The following UNC45B variants were observed in gnomAD, a reference collection of about 807,000 sequenced individuals.
The protein encoded by UNC45B is protein unc-45 homolog B.
In UNC45B, 78 loss-of-function variants were observed where a neutral mutation model predicts 98.7. The observed-to-expected ratio is 0.79, with a 90% CI of 0.66 to 0.95. The LOEUF (loss-of-function observed/expected upper bound fraction) is 0.95. UNC45B is among the 40% of genes least tolerant of loss of function. The probability of loss-of-function intolerance (pLI) is 0.00; values close to 1 mark genes in which losing one functional copy is unlikely to be tolerated. For synonymous variants in UNC45B, 462 were observed against 480.4 expected, an observed-to-expected ratio of 0.96 and a Z score of 0.50; for missense variants, 1,225 against 1,184.9, an observed-to-expected ratio of 1.03 and a Z score of -0.50.
At chr17:35,151,966 C>T (rs2092022811) in intron 4 of UNC45B, among the ~76,000 whole-genome samples, 1 of 152,164 alleles carries the variant, frequency 6.6e-6, no homozygotes, top group Admixed American at 6.5e-5. Flanking sequence ...TAAAAATAGG[C>T]TGGGTGCGGT....
rs910854904 is a variant in UNC45B, at chr17:35,168,258, C to T, written c.1349C>T (p.Thr450Met). 5.1e-6 allele frequency: 8 copies of T among 1,564,782 alleles called. No homozygotes were observed. Among genetic ancestry groups the T allele is most frequent in the East Asian group, 2.4e-5 (1 of 42,082 alleles). Reference protein sequence around the residue: ...VAVEALIHASTKLSRATFIIT... With the variant: ...VAVEALIHASMKLSRATFIIT... ...GTGGAGGCCCTCATCCATGCCTCCA[C>T]GAAGCTCAGCCGCGCCACCTTCATC... The change falls in exon 10 of 20, where the codon ACG (threonine) becomes ATG (methionine). Residue 450 changes from threonine (T) to methionine (M), a missense_variant. By Grantham distance (81) the Thr-to-Met change is moderately conservative (BLOSUM62 -1). Transcript: ENST00000394570.
intron 6 of UNC45B, 116 bp from the exon 7 acceptor site, chr17:35,155,180 C>G (rs1193249846): frequency 3.1e-6 from 4 of 1,308,476 alleles, no homozygotes; most frequent in Non-Finnish European, 4.2e-6. Context: ...GCTGCCTGGG[C>G]TGATTTCTCT....
chr17:35,184,217 C>T (rs748272832), intron 19 of UNC45B, among the ~76,000 whole-genome samples: 1 of 152,172 alleles, frequency 6.6e-6, no homozygotes, highest in Non-Finnish European at 1.5e-5. Flanking sequence ...TGTGTATCAG[C>T]GGGTGTGTTC....
chr17:35,150,331 C>A, intron 4 of UNC45B, 108 bp downstream of exon 4: 1 of 1,241,384 alleles, frequency 8.1e-7, no homozygotes, highest in East Asian at 2.5e-5. Flanking sequence ...GCCCTACCTC[C>A]ACACTCTGAG....
At chr17:35,184,907 A>T (rs1327955804) in intron 19 of UNC45B, among the ~76,000 whole-genome samples, 2 of 152,098 alleles carry the variant, frequency 1.3e-5, no homozygotes, top group Non-Finnish European at 2.9e-5. Flanking sequence ...CTACAGTCTC[A>T]TGTCATCTGG....
intron 5 of UNC45B, among the ~76,000 whole-genome samples, chr17:35,154,047 A>G (rs558321774): frequency 2.6e-5 from 4 of 152,292 alleles, no homozygotes; most frequent in Admixed American, 2.6e-4. Flanking sequence ...CCAAGCTCAT[A>G]CAGCTAGCAG....
chr17:35,159,377 A>C lies in UNC45B; in HGVS notation c.811A>C (p.Thr271Pro). 1 of 1,611,648 alleles carries C rather than the reference A, an allele frequency of 6.2e-7. No homozygotes were observed. The highest frequency in any genetic ancestry group is 8.5e-7 in the Non-Finnish European group (1 of 1,178,502). Residue 271 changes from threonine to proline, a missense_variant and splice_region_variant, in exon 8 of 20, where the codon ACC becomes CCC. Thr to Pro is a conservative substitution (Grantham distance 38, BLOSUM62 -1). Coordinates refer to ENST00000394570, the MANE Select transcript of UNC45B (RefSeq NM_001267052.2). ...TACCCCGTCCTCTTTTTCTTCAGACACCAAGAAGGACCTGAAGCAGATCAC... is the reference window on the plus strand; with the variant it reads ...TACCCCGTCCTCTTTTTCTTCAGACCCCAAGAAGGACCTGAAGCAGATCAC... Reference protein sequence around the residue: ...RGKEEALVLDTKKDLKQITSH... With the variant: ...RGKEEALVLDPKKDLKQITSH...
intron 7 of UNC45B, among the ~76,000 whole-genome samples, chr17:35,156,464 A>C (rs1034404670): frequency 6.6e-5 from 10 of 152,160 alleles, no homozygotes; most frequent in African/African-American, 2.4e-4. Flanking sequence ...TGTCTCTATT[A>C]AAAATACAAA....
At chr17:35,183,722 C>A in intron 19 of UNC45B, 140 bp downstream of exon 19, 2 of 951,802 alleles carry the variant, frequency 2.1e-6, no homozygotes, top group Non-Finnish European at 2.8e-6. Context: ...TTCCTACTGC[C>A]TAAGGAGAGG....
Position 35,174,373 on chromosome 17 carries a change from G to A in UNC45B, c.1958+4G>A, listed in dbSNP as rs201629031. On this transcript the variant is annotated splice_donor_region_variant and intron_variant, in intron 14 of 19. Transcript: ENST00000394570. ...AGACCAAGGAGCTGCTGGCCAGGTG[G>A]GGCTGCAGTGGGCCAAGGCTTGGAA... is the stretch of plus-strand genomic sequence containing the variant. The A allele has an allele frequency of 4.8e-5, 77 of 1,614,104 alleles. No homozygotes were observed. The highest frequency in any genetic ancestry group is 3.8e-4 in the Admixed American group (23 of 60,030).
Position 35,169,817 on chromosome 17 carries a change from C to T in UNC45B, c.1453-20C>T. ...GTGTCTCTGATCCTGCATGTGTCTGCTGTCTCCTCTCCTCCTCAGGGACTC... is the reference window on the plus strand; with the variant it reads ...GTGTCTCTGATCCTGCATGTGTCTGTTGTCTCCTCTCCTCCTCAGGGACTC... On this transcript the variant is annotated intron_variant, in intron 10 of 19. Transcript: ENST00000394570. 6.2e-7 allele frequency: 1 copy of T among 1,610,316 alleles called. No homozygotes were observed. The highest frequency in any genetic ancestry group is 8.5e-7 in the Non-Finnish European group (1 of 1,176,652).
chr17:35,169,979 C>A, intron 11 of UNC45B, 48 bp downstream of exon 11: 5 of 1,611,816 alleles, frequency 3.1e-6, no homozygotes, highest in Non-Finnish European at 4.2e-6. Context: ...ATGCGCCTTC[C>A]GGGCAAGAGT....
intron 14 of UNC45B, 49 bp downstream of exon 14, chr17:35,174,418 G>A (rs766602565): frequency 8.1e-6 from 13 of 1,611,134 alleles, no homozygotes; most frequent in Non-Finnish European, 1.1e-5. Flanking sequence ...GGGGCCGAGG[G>A]TCCTGGAGTG....
intron 17 of UNC45B, among the ~76,000 whole-genome samples, 198 bp downstream of exon 17, chr17:35,177,808 T>C (rs938155086): frequency 3.3e-5 from 5 of 151,912 alleles, no homozygotes; most frequent in Admixed American, 6.6e-5. Flanking sequence ...TTCTTTTTCT[T>C]TTCTTTTTTT....
chr17:35,182,684 C>T (rs996867032), intron 18 of UNC45B, among the ~76,000 whole-genome samples: 2 of 152,118 alleles, frequency 1.3e-5, no homozygotes, highest in Non-Finnish European at 2.9e-5. Flanking sequence ...CTGCCATGCT[C>T]TCACCTCCCA....
chr17:35,185,453 G>A (rs537283636), intron 19 of UNC45B, among the ~76,000 whole-genome samples: 2 of 151,968 alleles, frequency 1.3e-5, no homozygotes, highest in Non-Finnish European at 2.9e-5. Context: ...GATTACAGGC[G>A]TGCACCACCA....
At chr17:35,167,590 C>G (rs560511292) in intron 9 of UNC45B, among the ~76,000 whole-genome samples, 1 of 151,474 alleles carries the variant, frequency 6.6e-6, no homozygotes, top group East Asian at 1.9e-4. Flanking sequence ...CCAGTGCACT[C>G]CAGCAACAGA....
intron 3 of UNC45B, 107 bp from the exon 4 acceptor site, chr17:35,149,941 A>G (rs561383595): frequency 7.5e-6 from 9 of 1,207,078 alleles, no homozygotes; most frequent in African/African-American, 6.2e-5. Context: ...ATCTCCAAGG[A>G]AGACACAGAA....
chr17:35,168,066 A>C lies in UNC45B; in HGVS notation c.1157A>C (p.Lys386Thr), dbSNP rs1010493460. ...RKICEEYITG[K>T]FDPQDMDKNL... ...ACCCTTGTCCTTTGTTTTAGGGGCA[A>C]GTTTGACCCCCAGGACATGGACAAG... The change falls in exon 10 of 20, where the codon AAG becomes ACG. Residue 386 changes from lysine to threonine, a missense_variant. Transcript: ENST00000394570. The C allele has an allele frequency of 2.6e-6, 4 of 1,524,006 alleles. No homozygotes were observed. Among genetic ancestry groups the C allele is most frequent in the Non-Finnish European group, 3.5e-6 (4 of 1,133,150 alleles). 94.4% of individuals were successfully genotyped at this position (1,524,006 alleles called of 1,614,324 possible). A position where few individuals can be genotyped will look rare whatever the true frequency, so the allele number is the denominator to read the frequency against.
Sources: allele counts gnomAD v4.1 joint callset (sites outside exome capture counted in the v4.1 genomes callset), GRCh38; gene constraint gnomAD v4.1.1; transcripts MANE v1.5; gene names NCBI Gene and HGNC (gene_info 2026-07-23, HGNC 2026-07-21).